DSCAM: variants seen among roughly 807,000 people sequenced by gnomAD.
DSCAM encodes DS cell adhesion molecule, also known as cell adhesion molecule DSCAM.
Under a neutral mutation model 217.7 loss-of-function variants are expected in DSCAM, and 47 were observed. The ratio of observed to expected loss-of-function variants is 0.22; its 90% CI spans 0.17 to 0.28. The LOEUF (loss-of-function observed/expected upper bound fraction) is 0.28. DSCAM is among the 10% of genes least tolerant of loss of function. The pLI, the probability that DSCAM is intolerant of heterozygous loss-of-function variation, is 1.00. For missense variants in DSCAM, 2,080 were observed against 2,618.3 expected (o/e 0.79, Z 4.49); for synonymous variants, 1,056 against 1,015.3 (o/e 1.04, Z -0.76).
chr21:40,486,717 C>A (rs1467568960), intron 3 of DSCAM, among the ~76,000 whole-genome samples: 2 of 152,148 alleles, frequency 1.3e-5, no homozygotes, highest in Non-Finnish European at 2.9e-5. Flanking sequence ...ACGGGGTAAA[C>A]TGATATTTGA....
At position 40,011,807 on chromosome 21, in the gene DSCAM, AT is replaced by A. The variant is rs1174336864; in HGVS notation, c.*1226del. 2 of 152,184 alleles carry A rather than the reference AT, an allele frequency of 1.3e-5. No homozygotes were observed. Among genetic ancestry groups the A allele is most frequent in the Non-Finnish European group, 2.9e-5 (2 of 68,036 alleles). 9.4% of individuals were successfully genotyped at this position (152,184 alleles called of 1,614,324 possible). On this transcript the variant is annotated 3_prime_UTR_variant, in exon 33 of 33. Coordinates refer to ENST00000400454, the MANE Select transcript of DSCAM (RefSeq NM_001389.5). ...TGTTTATTAAGATGGTCTATCACAAATTTGCATACCAGGCATAGTGGAGATA... is the reference window on the plus strand; with the variant it reads ...TGTTTATTAAGATGGTCTATCACAAATTGCATACCAGGCATAGTGGAGATA...
chr21:40,058,044 T>C (rs1428670468), intron 28 of DSCAM, among the ~76,000 whole-genome samples: 2 of 152,084 alleles, frequency 1.3e-5, no homozygotes, highest in East Asian at 3.9e-4. Context: ...TCTGGCTTTT[T>C]TGTATTTTTA....
Position 40,093,971 on chromosome 21 carries a change from C to CA in DSCAM, c.3697-98dup, listed in dbSNP as rs1192353587. The CA allele has an allele frequency of 1.0e-5, 13 of 1,287,302 alleles. No individual in the cohort carries two copies. The Middle Eastern group carries it at 9.8e-4, about 97-fold the overall frequency. 79.7% of individuals were successfully genotyped at this position (1,287,302 alleles called of 1,614,324 possible). On this transcript the variant is annotated intron_variant, in intron 20 of 32. Transcript: ENST00000400454. The stretch of plus-strand genomic sequence containing the variant: ...GTCATGAACATATTAAATATCATAA[C>CA]AAAAAAACTCAACTCACTCTCCTCT...
Position 40,079,368 on chromosome 21 carries a change from T to C in DSCAM, c.4421-391A>G, listed in dbSNP as rs1027724731. Among the ~76,000 whole-genome samples, 13 of 152,086 alleles carry C rather than the reference T, an allele frequency of 8.5e-5. No homozygotes were observed. In the East Asian group the frequency reaches 1.2e-3, roughly 14 times the overall value. On this transcript the variant is annotated intron_variant, in intron 25 of 32. Coordinates refer to ENST00000400454, the MANE Select transcript of DSCAM (RefSeq NM_001389.5). ...GTTGGATTTGGGAAGCACCAACAGA[T>C]TTTCCTCCACAACTAAACACTTGGT...
intron 20 of DSCAM, among the ~76,000 whole-genome samples, chr21:40,098,635 A>G (rs1467795155): frequency 2.6e-5 from 4 of 152,266 alleles, no homozygotes; most frequent in Non-Finnish European, 2.9e-5. Flanking sequence ...CATAAGTTAC[A>G]ATACCAGTCA....
At chr21:40,407,059 A>T (rs2075285355) in intron 3 of DSCAM, among the ~76,000 whole-genome samples, 1 of 152,196 alleles carries the variant, frequency 6.6e-6, no homozygotes, top group South Asian at 2.1e-4. Context: ...TAAATTCAAG[A>T]AATATATTGT....
At chr21:40,637,120 T>TATATAAATATATAAATATATATATAA (rs2089772885) in intron 3 of DSCAM, among the ~76,000 whole-genome samples, 1 of 90,414 alleles carries the variant, frequency 1.1e-5, no homozygotes, top group Non-Finnish European at 2.0e-5. Context: ...TATATATATA[T>TATATAAATATATAAATATATATATAA]ATATATATAA....
chr21:40,128,305 A>G (rs1026857379), intron 19 of DSCAM, among the ~76,000 whole-genome samples: 1 of 150,798 alleles, frequency 6.6e-6, no homozygotes, highest in South Asian at 2.1e-4. Flanking sequence ...AGGATTCTAC[A>G]ATGGGTCCCC....
At chr21:40,402,375 T>G (rs960705618) in intron 3 of DSCAM, among the ~76,000 whole-genome samples, 1 of 151,900 alleles carries the variant, frequency 6.6e-6, no homozygotes, top group Admixed American at 6.6e-5. Flanking sequence ...GGCTAAAATA[T>G]ATTATTTTTA....
At chr21:40,784,082 T>TTG (rs976108107) in intron 1 of DSCAM, among the ~76,000 whole-genome samples, 6 of 149,634 alleles carry the variant, frequency 4.0e-5, no homozygotes, top group African/African-American at 9.7e-5. Flanking sequence ...ATAAATATTT[T>TTG]TATATATTTA....
At chr21:40,347,085 G>C (rs1184477919) in intron 6 of DSCAM, among the ~76,000 whole-genome samples, 1 of 152,054 alleles carries the variant, frequency 6.6e-6, no homozygotes, top group Non-Finnish European at 1.5e-5. Flanking sequence ...CAGATCACCT[G>C]GTCAGAAATT....
chr21:40,485,278 G>A (rs1244264269), intron 3 of DSCAM, among the ~76,000 whole-genome samples: 2 of 129,862 alleles, frequency 1.5e-5, no homozygotes, highest in African/African-American at 6.0e-5. Context: ...CCTCGCTGTC[G>A]CCCAGGCTGG....
chr21:40,447,804 T>G (rs1266559683), intron 3 of DSCAM, among the ~76,000 whole-genome samples: 1 of 152,226 alleles, frequency 6.6e-6, no homozygotes, highest in Non-Finnish European at 1.5e-5. Context: ...TGGTAGGTGT[T>G]CCACAAAATA....
chr21:40,796,462 A>G (rs1601276360), intron 1 of DSCAM, among the ~76,000 whole-genome samples: 1 of 152,368 alleles, frequency 6.6e-6, no homozygotes, highest in East Asian at 1.9e-4. Context: ...GGTGACTGGC[A>G]CTACACAAAG....
At chr21:40,618,654 G>C (rs1164775056) in intron 3 of DSCAM, 1 of 143,460 alleles carries the variant, frequency 7.0e-6, no homozygotes, top group Non-Finnish European at 1.5e-5. Context: ...CTTTTACAGA[G>C]AACTCTGAGA....
At chr21:40,342,500 T>A (rs1025412618) in intron 6 of DSCAM, among the ~76,000 whole-genome samples, 102 of 151,496 alleles carry the variant, frequency 6.7e-4, no homozygotes, top group Non-Finnish European at 1.2e-4. Flanking sequence ...GCAACTTAAT[T>A]TTGTGTGGAT....
At chr21:40,778,849 AACCCATCTCT>A (rs2091513148) in intron 1 of DSCAM, among the ~76,000 whole-genome samples, 3 of 151,932 alleles carry the variant, frequency 2.0e-5, no homozygotes. Context: ...AAATGGAGAA[AACCCATCTCT>A]ACTAAAAATG....
In DSCAM at chr21:40,640,650, G is replaced by A. The variant is rs191722442; in HGVS notation, c.508+52160C>T. Among the ~76,000 whole-genome samples the A allele has an allele frequency of 4.1e-4, 63 of 152,290 alleles. 1 individual carries two copies. The East Asian group carries it at 5.0e-3, about 12-fold the overall frequency. On this transcript the variant is annotated intron_variant, in intron 3 of 32. Coordinates refer to ENST00000400454, the MANE Select transcript of DSCAM (RefSeq NM_001389.5). ...GGATGCTGGCGGAGGCTCTGGGAGC[G>A]CAGGTAAACAGGCCCAAGAGATGTG...
At chr21:40,257,121 CA>C (rs1033335066) in intron 11 of DSCAM, among the ~76,000 whole-genome samples, 1 of 152,104 alleles carries the variant, frequency 6.6e-6, no homozygotes, top group Non-Finnish European at 1.5e-5. Context: ...GGAAAGAAAA[CA>C]AAGATACAAT....
Sources: allele counts gnomAD v4.1 joint callset (sites outside exome capture counted in the v4.1 genomes callset), GRCh38; gene constraint gnomAD v4.1.1; transcripts MANE v1.5; gene names NCBI Gene and HGNC (gene_info 2026-07-23, HGNC 2026-07-21).